The following GGT1 variants were observed in gnomAD, a reference collection of about 807,000 sequenced individuals.
GGT1 encodes the protein glutathione hydrolase 1 proenzyme.
Under a neutral mutation model 56.0 loss-of-function variants are expected in GGT1, and 21 were observed. That is an observed-to-expected ratio of 0.38 (90% confidence interval 0.27 to 0.54). The LOEUF (loss-of-function observed/expected upper bound fraction) is 0.54. Among genes scored for constraint, GGT1 ranks in the 20% least tolerant of loss-of-function variants. The pLI, the probability that GGT1 is intolerant of heterozygous loss-of-function variation, is 0.82. For synonymous variants in GGT1, 238 were observed against 342.6 expected (o/e 0.69, Z 3.37); for missense variants, 466 against 787.0 (o/e 0.59, Z 4.88).
At chr22:24,589,844 G>A (rs765867399), upstream of GGT1, 14 of 1,613,488 alleles carry the variant, frequency 8.7e-6, no homozygotes, top group African/African-American at 4.0e-5. Flanking sequence ...TGCAGGTCCC[G>A]GGCCAGGTTC....
upstream of GGT1, among the ~76,000 whole-genome samples, chr22:24,601,195 G>A (rs896910357): frequency 1.3e-5 from 2 of 152,204 alleles, no homozygotes; most frequent in South Asian, 2.1e-4. Flanking sequence ...GCCAGGCACC[G>A]CTTGCATCTG....
Position 24,628,243 on chromosome 22 carries a change from C to T in GGT1, c.1450-32C>T, listed in dbSNP as rs563197015. The stretch of plus-strand genomic sequence containing the variant: ...GGCCGTGCCCACCCTGCACAGCCCC[C>T]AAGCCATGCTGATCACACTCCCATG... On this transcript the variant is annotated intron_variant, in intron 14 of 15. Coordinates refer to ENST00000400382, the MANE Select transcript of GGT1 (RefSeq NM_001288833.2). The surrounding 1 kb of genome is among the most constrained non-coding windows in gnomAD (Gnocchi z 5.7). 1.5e-5 allele frequency: 24 copies of T among 1,611,996 alleles called. No individual in the cohort carries two copies. Among genetic ancestry groups the T allele is most frequent in the South Asian group, 1.4e-4 (13 of 90,986 alleles).
Position 24,620,770 on chromosome 22 carries a change from A to G in GGT1, c.576-143A>G, listed in dbSNP as rs5760505. 477,813 of 1,442,652 alleles carry G rather than the reference A, an allele frequency of 0.33. 81,973 individuals are homozygous for G. Among genetic ancestry groups the G allele is most frequent in the African/African-American group, 0.53 (36,617 of 69,704 alleles). 89.4% of individuals were successfully genotyped at this position (1,442,652 alleles called of 1,614,324 possible). A position where few individuals can be genotyped will look rare whatever the true frequency, so the allele number is the denominator to read the frequency against. On this transcript the variant is annotated intron_variant, in intron 8 of 15. Coordinates refer to ENST00000400382, the MANE Select transcript of GGT1 (RefSeq NM_001288833.2). This position sits in a 1 kb window ranked among gnomAD's most constrained non-coding sequence, Gnocchi z 5.6. ...GAAGCTCCCGGAAGGGACACTAGGA[A>G]GACGAGCGCTGAGTGACAGGGCCAC...
Position 24,627,100 on chromosome 22 carries a change from G to A in GGT1, c.1021-332G>A, listed in dbSNP as rs56169138. 3.8e-3 allele frequency: 2,380 copies of A among 629,984 alleles called. 53 individuals carry two copies. The African/African-American group carries it at 0.041, about 11-fold the overall frequency. 39.0% of individuals were successfully genotyped at this position (629,984 alleles called of 1,614,324 possible). On this transcript the variant is annotated intron_variant, in intron 11 of 15. Coordinates refer to ENST00000400382, the MANE Select transcript of GGT1 (RefSeq NM_001288833.2). Reference sequence around the variant, plus strand: ...TTCTTGGCATGAGAGCAGGACCTAAGTGTCTGTTCCCTGTTGATTCCCCAG... The same window carrying A: ...TTCTTGGCATGAGAGCAGGACCTAAATGTCTGTTCCCTGTTGATTCCCCAG...
upstream of GGT1, among the ~76,000 whole-genome samples, chr22:24,590,578 G>A (rs5760486): frequency 0.3 from 45,075 of 151,906 alleles, 7,066 homozygotes; most frequent in African/African-American, 0.38. Flanking sequence ...GGGGTCTTTC[G>A]TCTTATGGTG....
intron 7 of GGT1, among the ~76,000 whole-genome samples, chr22:24,616,398 G>A (rs1381287548): frequency 6.7e-6 from 1 of 148,984 alleles, no homozygotes; most frequent in Admixed American, 6.7e-5. Context: ...TGGGCAACAA[G>A]AATGAAGCTC....
intron 1 of GGT1, among the ~76,000 whole-genome samples, chr22:24,605,083 GTATAT>G (rs1479908160): frequency 0.014 from 223 of 16,054 alleles, 95 homozygotes; most frequent in African/African-American, 0.1. Flanking sequence ...AATATATAAA[GTATAT>G]TATATAATAT....
upstream of GGT1, chr22:24,589,946 G>A: frequency 6.3e-7 from 1 of 1,594,094 alleles, no homozygotes; most frequent in East Asian, 2.3e-5. Context: ...TCAAGGCCCA[G>A]GTCCTGTGAG....
intron 11 of GGT1, among the ~76,000 whole-genome samples, chr22:24,624,997 C>A (rs1379320675): frequency 6.6e-6 from 1 of 152,160 alleles, no homozygotes; most frequent in Non-Finnish European, 1.5e-5. Context: ...TTCGCACCTA[C>A]AAAAATGTAA....
chr22:24,586,405 C>T, the GGT1 span: 2 of 1,610,600 alleles, frequency 1.2e-6, no homozygotes, highest in East Asian at 2.2e-5. Flanking sequence ...GGAGGCTGCT[C>T]TTGAGGCTAT....
the GGT1 span, among the ~76,000 whole-genome samples, chr22:24,585,197 C>G: frequency 6.8e-4 from 103 of 152,292 alleles, no homozygotes; most frequent in African/African-American, 2.4e-3. Context: ...GGGAGGCAGG[C>G]ACCAAGTCCT....
At chr22:24,613,339 C>T (rs1026240170) in intron 5 of GGT1, among the ~76,000 whole-genome samples, 10 of 152,154 alleles carry the variant, frequency 6.6e-5, no homozygotes, top group Non-Finnish European at 1.5e-4. Flanking sequence ...TCCCAAAGTG[C>T]TGAGATTACA....
rs1017468758 is a variant in GGT1 at position 24,597,683 on chromosome 22, AAAC to A, written c.-324+2799_-324+2801del. Among the ~76,000 whole-genome samples, 16 of 36,128 alleles carry A rather than the reference AAAC, an allele frequency of 4.4e-4. 1 individual carries two copies. Among genetic ancestry groups the A allele is most frequent in the South Asian group, 2.3e-3 (1 of 442 alleles). The allele number at this position is 36,128 out of a possible 152,430, so 23.7% of individuals were successfully genotyped here. A position where few individuals can be genotyped will look rare whatever the true frequency, so the allele number is the denominator to read the frequency against. ...GTGACAGAGTGAGACTCCATCTCAA[AAAC>A]ACACACACACACACACACACAAAAC... On this transcript the variant is annotated intron_variant, in intron 1 of 6. Coordinates refer to the GGT1 transcript ENST00000411974.
At chr22:24,588,443 G>GT in the GGT1 span, 1 of 842,248 alleles carries the variant, frequency 1.2e-6, no homozygotes, top group Non-Finnish European at 1.9e-6. Context: ...CATGCACCAT[G>GT]CATCACCGAG....
chr22:24,589,574 T>G, the GGT1 span: 1 of 512,066 alleles, frequency 2.0e-6, no homozygotes, highest in Non-Finnish European at 3.2e-6. Flanking sequence ...TGCACAGTGC[T>G]GCCACACAGA....
At chr22:24,619,389 A>G (rs1312074227) in intron 7 of GGT1, among the ~76,000 whole-genome samples, 1 of 143,644 alleles carries the variant, frequency 7.0e-6, no homozygotes, top group Non-Finnish European at 1.5e-5. Flanking sequence ...CAAGAGTGAA[A>G]CTCCATCTCA....
chr22:24,605,084 T>C (rs1311885423), intron 1 of GGT1, among the ~76,000 whole-genome samples: 1 of 17,058 alleles, frequency 5.9e-5, no homozygotes, highest in Non-Finnish European at 9.5e-5. Context: ...ATATATAAAG[T>C]ATATTATATA....
the GGT1 span, chr22:24,589,392 AC>A: frequency 1.8e-6 from 2 of 1,081,424 alleles, no homozygotes; most frequent in Non-Finnish European, 2.3e-6. Flanking sequence ...CAGGATGGAG[AC>A]CTGCGGACAG....
upstream of GGT1, chr22:24,592,342 G>A (rs2045594717): frequency 2.1e-6 from 1 of 470,690 alleles, no homozygotes; most frequent in Non-Finnish European, 4.4e-6. Flanking sequence ...GCTCTCTGTG[G>A]GCTGCCATGG....
Sources: gnomAD v4.1 joint callset for allele counts (sites outside exome capture counted in the v4.1 genomes callset) on GRCh38, gnomAD v4.1.1 for gene constraint, Gnocchi (gnomAD v3.1) non-coding constraint, MANE v1.5 for transcripts, NCBI Gene and HGNC (gene_info 2026-07-23, HGNC 2026-07-21) for gene names.